TRPC5: variants seen among roughly 807,000 people sequenced by gnomAD.
The protein encoded by TRPC5 is short transient receptor potential channel 5.
Under a neutral mutation model 56.5 loss-of-function variants are expected in TRPC5, and 9 were observed. That is an observed-to-expected ratio of 0.16 (90% confidence interval 0.10 to 0.28). TRPC5 has a LOEUF of 0.28. Ranked by LOEUF, TRPC5 falls within the 10% of genes least tolerant of loss-of-function variation. TRPC5 has a pLI of 1.00. For missense variants in TRPC5, 469 were observed against 748.9 expected (o/e 0.63, Z 4.36); for synonymous variants, 282 against 278.5 (o/e 1.01, Z -0.13).
At chrX:111,887,171 T>C (rs779025277) in intron 3 of TRPC5, among the ~76,000 whole-genome samples, 1 of 112,650 alleles carries the variant, frequency 8.9e-6, no homozygotes, top group Admixed American at 9.4e-5. Context: ...TCTCCCTTTA[T>C]GCTATTACAT....
At chrX:111,837,052 A>G (rs1400596732) in intron 6 of TRPC5, among the ~76,000 whole-genome samples, 2 of 112,433 alleles carry the variant, frequency 1.8e-5, no homozygotes, top group African/African-American at 6.5e-5. Flanking sequence ...GCTGCTAGAG[A>G]GCTAGCCTAA....
chrX:111,822,031 A>G (rs995987699), intron 7 of TRPC5, among the ~76,000 whole-genome samples: 5 of 111,818 alleles, frequency 4.5e-5, no homozygotes, highest in African/African-American at 9.8e-5. Flanking sequence ...ATAAAAACAC[A>G]GTCATTTTTA....
intron 3 of TRPC5, among the ~76,000 whole-genome samples, chrX:111,888,693 CAAAAAAAA>C (rs753735549): frequency 1.3e-3 from 14 of 10,975 alleles, no homozygotes; most frequent in African/African-American, 2.7e-3. Flanking sequence ...GACTCTATCT[CAAAAAAAA>C]AAAAAAAAAA....
At chrX:111,928,544 CAAT>C (rs1926321852) in intron 2 of TRPC5, among the ~76,000 whole-genome samples, 1 of 111,889 alleles carries the variant, frequency 8.9e-6, no homozygotes, top group African/African-American at 3.2e-5. Context: ...GCTGCATTGT[CAAT>C]AGTGCAGTCT....
intron 1 of TRPC5, among the ~76,000 whole-genome samples, chrX:111,975,806 AG>A (rs1227566222): frequency 4.5e-5 from 5 of 112,270 alleles, no homozygotes; most frequent in Non-Finnish European, 7.5e-5. Context: ...CAGGAGGCTG[AG>A]GCAGGAGAAT....
intron 1 of TRPC5, among the ~76,000 whole-genome samples, chrX:112,037,707 C>A (rs1472062369): frequency 1.8e-5 from 2 of 111,477 alleles, no homozygotes; most frequent in African/African-American, 6.5e-5. Flanking sequence ...GCTTCTGTTT[C>A]TTTTGCATTT....
At chrX:111,950,061 A>T (rs1450676104) in intron 2 of TRPC5, among the ~76,000 whole-genome samples, 3 of 111,762 alleles carry the variant, frequency 2.7e-5, no homozygotes, top group Non-Finnish European at 5.6e-5. Context: ...GCGGTGGCTC[A>T]CGCCTGTAAT....
chrX:111,868,181 G>GA (rs1265308229), intron 3 of TRPC5, among the ~76,000 whole-genome samples: 3 of 111,265 alleles, frequency 2.7e-5, no homozygotes, highest in Admixed American at 1.9e-4. Context: ...AGGAGGCAAT[G>GA]AAAAAAAAGG....
intron 5 of TRPC5, 48 bp downstream of exon 5, chrX:111,852,250 T>C: frequency 8.5e-7 from 1 of 1,175,609 alleles, no homozygotes; most frequent in African/African-American, 1.8e-5. Context: ...AAAAGCTTAA[T>C]GTAGCCAAAA....
intron 6 of TRPC5, among the ~76,000 whole-genome samples, chrX:111,842,803 G>C (rs1922799986): frequency 8.9e-6 from 1 of 112,332 alleles, no homozygotes; most frequent in Non-Finnish European, 1.9e-5. Context: ...GAAAGGCCAA[G>C]GGTTTTTGCT....
intron 3 of TRPC5, among the ~76,000 whole-genome samples, chrX:111,883,297 C>G (rs1204602760): frequency 8.9e-6 from 1 of 112,308 alleles, no homozygotes; most frequent in Non-Finnish European, 1.9e-5. Flanking sequence ...TAGTTAAGTT[C>G]TAGTCAGCCC....
At chrX:111,926,729 G>A (rs765788806) in intron 2 of TRPC5, among the ~76,000 whole-genome samples, 1 of 112,219 alleles carries the variant, frequency 8.9e-6, no homozygotes, top group East Asian at 2.8e-4. Flanking sequence ...GGAAGCTGAG[G>A]CTCAAAAAGG....
intron 1 of TRPC5, among the ~76,000 whole-genome samples, chrX:112,048,215 A>G (rs1930108838): frequency 9.0e-6 from 1 of 111,625 alleles, no homozygotes; most frequent in African/African-American, 3.3e-5. Flanking sequence ...CTGACATGGC[A>G]TCATGCCAAG....
chrX:111,820,897 T>C (rs1167834025), intron 7 of TRPC5, among the ~76,000 whole-genome samples: 1 of 112,148 alleles, frequency 8.9e-6, no homozygotes, highest in Non-Finnish European at 1.9e-5. Context: ...CTGAGTTGAT[T>C]AATGTTCCTG....
intron 3 of TRPC5, among the ~76,000 whole-genome samples, chrX:111,856,809 A>G (rs1400885881): frequency 1.1e-5 from 1 of 95,088 alleles, no homozygotes; most frequent in Non-Finnish European, 2.1e-5. Context: ...GCAGAGCGAG[A>G]CTCCATCTCC....
chrX:111,782,691 A>G lies in TRPC5; in HGVS notation c.1897-553T>C, dbSNP rs1178099484. 2.7e-5 allele frequency among the ~76,000 whole-genome samples: 3 copies of G among 110,864 alleles called. No individual in the cohort carries two copies. The Admixed American group carries it at 2.9e-4, about 11-fold the overall frequency. On this transcript the variant is annotated intron_variant, in intron 7 of 10. Coordinates refer to ENST00000262839, the MANE Select transcript of TRPC5 (RefSeq NM_012471.3). ...TCGGATTGTGGTGGAAGGCTTTTTT[A>G]TTTTAAAAAATTCAACTTTATTGAG...
At chrX:111,799,168 T>C (rs968158703) in intron 7 of TRPC5, among the ~76,000 whole-genome samples, 1 of 86,039 alleles carries the variant, frequency 1.2e-5, no homozygotes. Flanking sequence ...TCTATTCTTT[T>C]GTGCTGGGCT....
chrX:111,829,993 C>T, intron 7 of TRPC5, among the ~76,000 whole-genome samples: 1 of 112,803 alleles, frequency 8.9e-6, no homozygotes, highest in East Asian at 2.8e-4. Flanking sequence ...CACAGACACT[C>T]GACACCAGCC....
intron 2 of TRPC5, among the ~76,000 whole-genome samples, chrX:111,946,824 C>T (rs779839212): frequency 1.8e-5 from 2 of 112,240 alleles, no homozygotes; most frequent in South Asian, 3.7e-4. Context: ...GACATTTACA[C>T]AAGTAAGGCT....
Sources: gnomAD v4.1 joint callset for allele counts (sites outside exome capture counted in the v4.1 genomes callset) on GRCh38, gnomAD v4.1.1 for gene constraint, MANE v1.5 for transcripts, NCBI Gene and HGNC (gene_info 2026-07-23, HGNC 2026-07-21) for gene names.